The following LMF1 variants were observed in gnomAD, a reference collection of about 807,000 sequenced individuals.
The protein encoded by LMF1 is lipase maturation factor 1, also known as transmembrane protein 112.
A neutral mutation model predicts 60.6 loss-of-function variants in LMF1; 68 were observed. The observed-to-expected ratio is 1.12, with a 90% CI of 0.92 to 1.37. The LOEUF is 1.37. LMF1 is among the 40% of genes most tolerant of loss of function. The pLI is 0.00. For synonymous variants in LMF1, 418 were observed against 324.7 expected (o/e 1.29, Z -3.09); for missense variants, 948 against 767.2 (o/e 1.24, Z -2.78).
chr16:921,932 C>A (rs916935859), intron 3 of LMF1, among the ~76,000 whole-genome samples: 3 of 152,150 alleles, frequency 2.0e-5, no homozygotes, highest in Non-Finnish European at 4.4e-5. Flanking sequence ...GTAAGAGAAT[C>A]TACAGAAATA....
intron 2 of LMF1, among the ~76,000 whole-genome samples, chr16:938,002 G>A (rs2071991691): frequency 6.6e-6 from 1 of 151,604 alleles, no homozygotes; most frequent in Non-Finnish European, 1.5e-5. Context: ...GTCATGTGGT[G>A]AAGGCCAAAC....
rs1295748915 is a variant in LMF1 at position 869,600 on chromosome 16, G to A, written c.1416+283C>T. ...CTGCTGGCTAACTTTTGTATTGTTC[G>A]TAGATACAGGGTCTCGCTATGGCAC... On this transcript the variant is annotated intron_variant, in intron 9 of 10. Transcript: ENST00000262301. 2.3e-5 allele frequency: 15 copies of A among 647,670 alleles called. No homozygotes were observed. In the East Asian group the frequency reaches 2.7e-4, roughly 12 times the overall value. 40.1% of individuals were successfully genotyped at this position (647,670 alleles called of 1,614,324 possible).
At chr16:950,457 C>T (rs1406783663) in intron 2 of LMF1, among the ~76,000 whole-genome samples, 6 of 118,762 alleles carry the variant, frequency 5.1e-5, no homozygotes, top group African/African-American at 1.2e-4. Flanking sequence ...AGTCAGCCAA[C>T]GACAGAGTCA....
At chr16:879,520 C>T (rs1165414231) in intron 6 of LMF1, 50 bp downstream of exon 6, 23 of 1,592,212 alleles carry the variant, frequency 1.4e-5, no homozygotes, top group South Asian at 4.5e-5. Context: ...AATAGGGCGA[C>T]GGGCCAGCGT....
Position 978,299 on chromosome 16 carries a change from C to A in LMF1, c.-135+2846G>T, listed in dbSNP as rs1015392299. ...CGCACCACACACACCATAAACACACCCCATACATACATCCCATACACATAT... is the reference window on the plus strand; with the variant it reads ...CGCACCACACACACCATAAACACACACCATACATACATCCCATACACATAT... On this transcript the variant is annotated intron_variant, in intron 1 of 6. Coordinates refer to the LMF1 transcript ENST00000570014. Among the ~76,000 whole-genome samples, 5 of 150,634 alleles carry A rather than the reference C, an allele frequency of 3.3e-5. No individual in the cohort carries two copies. In the South Asian group the frequency reaches 1.1e-3, roughly 32 times the overall value.
chr16:960,071 C>T (rs959366166), intron 1 of LMF1, among the ~76,000 whole-genome samples: 2 of 152,196 alleles, frequency 1.3e-5, no homozygotes, highest in Middle Eastern at 3.2e-3. Flanking sequence ...TGTGACACCC[C>T]GGGAGCAACG....
At chr16:866,499 G>C (rs2069613887) in intron 10 of LMF1, among the ~76,000 whole-genome samples, 1 of 152,146 alleles carries the variant, frequency 6.6e-6, no homozygotes, top group Non-Finnish European at 1.5e-5. Context: ...GTACTGCCAG[G>C]GGTTGGGGGA....
intron 4 of LMF1, chr16:899,706 A>G (rs888138779): frequency 3.3e-5 from 5 of 151,584 alleles, no homozygotes; most frequent in African/African-American, 1.2e-4. Context: ...CATGACCCAC[A>G]CCTCCCATGG....
chr16:977,830 C>G (rs1432826454), intron 1 of LMF1, among the ~76,000 whole-genome samples: 2 of 151,160 alleles, frequency 1.3e-5, no homozygotes, highest in Non-Finnish European at 3.0e-5. Context: ...ACCACACACA[C>G]ACACACACCA....
At chr16:980,038 C>T in intron 1 of LMF1, 1 of 327,834 alleles carries the variant, frequency 3.1e-6, no homozygotes, top group Non-Finnish European at 6.0e-6. Context: ...GAAGAGAGGG[C>T]AGGCCAGGCT....
At chr16:969,469 A>G (rs993571639) in intron 1 of LMF1, among the ~76,000 whole-genome samples, 1 of 152,176 alleles carries the variant, frequency 6.6e-6, no homozygotes, top group Non-Finnish European at 1.5e-5. Flanking sequence ...GTATCACACA[A>G]ATGTCACACA....
At chr16:893,371 G>A in intron 4 of LMF1, 1 of 522,014 alleles carries the variant, frequency 1.9e-6, no homozygotes. Flanking sequence ...TCACGCTACA[G>A]AAGTTGCGTG....
At chr16:979,388 CCA>C (rs1356806788) in intron 1 of LMF1, 1 of 352,366 alleles carries the variant, frequency 2.8e-6, no homozygotes, top group Non-Finnish European at 5.6e-6. Context: ...CACCACCCCG[CCA>C]CAGAGACTCC....
intron 2 of LMF1, among the ~76,000 whole-genome samples, chr16:944,899 T>A (rs1484357909): frequency 6.9e-6 from 1 of 144,674 alleles, no homozygotes; most frequent in Non-Finnish European, 1.5e-5. Context: ...GTCAAAGAAA[T>A]ACATATCTCT....
intron 3 of LMF1, among the ~76,000 whole-genome samples, chr16:916,835 C>T (rs1050061968): frequency 3.9e-5 from 6 of 152,256 alleles, no homozygotes; most frequent in Non-Finnish European, 7.3e-5. Flanking sequence ...ATGTCAGGAA[C>T]ACCCCTCTCC....
At chr16:973,825 C>T (rs1420157928), upstream of LMF1, among the ~76,000 whole-genome samples, 2 of 151,966 alleles carry the variant, frequency 1.3e-5, no homozygotes, top group Non-Finnish European at 2.9e-5. Flanking sequence ...ACGGTGAAAC[C>T]CCGTCTCTAC....
At chr16:976,754 C>A in intron 1 of LMF1, 1 of 454,168 alleles carries the variant, frequency 2.2e-6, no homozygotes, top group Non-Finnish European at 4.4e-6. Flanking sequence ...CTGTTCCCGA[C>A]ACATCCGTGA....
Position 964,527 on chromosome 16 carries a change from A to G in LMF1, c.193+6261T>C, listed in dbSNP as rs534567966. 5.9e-5 allele frequency among the ~76,000 whole-genome samples: 9 copies of G among 152,308 alleles called. No individual in the cohort carries two copies. In the South Asian group the frequency reaches 1.2e-3, roughly 21 times the overall value. Reference sequence around the variant, plus strand: ...GGGCAGTGCTGTTTGCTTTTTAAACAAGCAAGTATTTTATAGAAGAACTTG... The same window carrying G: ...GGGCAGTGCTGTTTGCTTTTTAAACGAGCAAGTATTTTATAGAAGAACTTG... On this transcript the variant is annotated intron_variant, in intron 1 of 10. Transcript: ENST00000262301.
intron 6 of LMF1, among the ~76,000 whole-genome samples, chr16:875,640 C>T (rs369104823): frequency 1.2e-4 from 18 of 152,242 alleles, no homozygotes; most frequent in East Asian, 5.8e-4. Flanking sequence ...GCCATGGAAG[C>T]GGGAGGTGGG....
Sources: allele counts gnomAD v4.1 joint callset (sites outside exome capture counted in the v4.1 genomes callset), GRCh38; gene constraint gnomAD v4.1.1; transcripts MANE v1.5; gene names NCBI Gene and HGNC (gene_info 2026-07-23, HGNC 2026-07-21).